Variants in PDE10A observed in about 807,000 individuals in gnomAD.
PDE10A encodes cAMP and cAMP-inhibited cGMP 3',5'-cyclic phosphodiesterase 10A.
PDE10A carries 39 observed loss-of-function variants against 97.7 expected under a neutral mutation model. That is an observed-to-expected ratio of 0.40 (90% CI 0.31 to 0.52). The LOEUF is 0.52. PDE10A is among the 20% of genes least tolerant of loss of function. The probability of loss-of-function intolerance (pLI) is 0.56; values close to 1 mark genes in which losing one functional copy is unlikely to be tolerated. For synonymous variants in PDE10A, 371 were observed against 376.8 expected, an observed-to-expected ratio of 0.98 and a Z score of 0.18; for missense variants, 731 against 1,047.8, an observed-to-expected ratio of 0.70 and a Z score of 4.17.
At chr6:165,556,102 G>A (rs2128333889) in intron 1 of PDE10A, among the ~76,000 whole-genome samples, 1 of 152,296 alleles carries the variant, frequency 6.6e-6, no homozygotes, top group East Asian at 1.9e-4. Flanking sequence ...ATAAACTTAT[G>A]TTATTGATAA....
intron 1 of PDE10A, among the ~76,000 whole-genome samples, chr6:165,596,850 T>A (rs1203771053): frequency 6.6e-6 from 1 of 152,092 alleles, no homozygotes; most frequent in Admixed American, 6.5e-5. Flanking sequence ...AACGTTGCTC[T>A]CCTCCTCTAC....
At chr6:165,827,249 C>T (rs373116260) in intron 1 of PDE10A, among the ~76,000 whole-genome samples, 2 of 152,226 alleles carry the variant, frequency 1.3e-5, no homozygotes, top group Non-Finnish European at 2.9e-5. Context: ...TAAGCCCTGA[C>T]GTCCCTCCAG....
In PDE10A at chr6:165,348,435, C is replaced by T. The variant is rs551276904; in HGVS notation, c.2784-4933G>A. ...TGGTTCTATTTAGCCATAATGGGAC[C>T]ATGCTTGCTAATTTCAACAAAAAAC... On this transcript the variant is annotated intron_variant, in intron 18 of 21. Coordinates refer to ENST00000539869, the MANE Select transcript of PDE10A (RefSeq NM_001385079.1). Among the ~76,000 whole-genome samples the T allele has an allele frequency of 7.9e-5, 12 of 152,282 alleles. No homozygotes were observed. The South Asian group carries it at 1.9e-3, about 24-fold the overall frequency.
intron 19 of PDE10A, among the ~76,000 whole-genome samples, chr6:165,340,272 T>C (rs1478889238): frequency 1.3e-5 from 2 of 152,244 alleles, no homozygotes; most frequent in African/African-American, 4.8e-5. Context: ...TTTCCTAACT[T>C]CCCACTCTTC....
chr6:165,744,581 T>A (rs372535262), intron 1 of PDE10A, among the ~76,000 whole-genome samples: 1 of 152,146 alleles, frequency 6.6e-6, no homozygotes, highest in Admixed American at 6.5e-5. Context: ...TTTTTTTTCA[T>A]AAATTTGAAG....
intron 1 of PDE10A, among the ~76,000 whole-genome samples, chr6:165,882,342 C>T (rs143945222): frequency 1.9e-4 from 29 of 152,284 alleles, no homozygotes; most frequent in Non-Finnish European, 1.5e-4. Flanking sequence ...CAGTGTCTAG[C>T]ACATCATAGC....
upstream of PDE10A, among the ~76,000 whole-genome samples, chr6:165,663,267 C>T (rs1277520447): frequency 6.6e-6 from 1 of 151,516 alleles, no homozygotes; most frequent in Non-Finnish European, 1.5e-5. Context: ...CCCCACGCCG[C>T]CGCCGCCGCC....
chr6:165,815,601 G>A (rs141296998), intron 1 of PDE10A, among the ~76,000 whole-genome samples: 19 of 152,200 alleles, frequency 1.2e-4, no homozygotes, highest in South Asian at 6.2e-4. Flanking sequence ...GAAGGTGGAC[G>A]GCCAATGAAG....
At chr6:165,640,372 TAAAC>T (rs907287568) in intron 1 of PDE10A, among the ~76,000 whole-genome samples, 2 of 152,204 alleles carry the variant, frequency 1.3e-5, no homozygotes, top group Non-Finnish European at 2.9e-5. Flanking sequence ...ACAGGTATAT[TAAAC>T]AAGTATATTC....
chr6:165,850,229 C>T (rs1011583604), intron 1 of PDE10A, among the ~76,000 whole-genome samples: 4 of 152,226 alleles, frequency 2.6e-5, no homozygotes, highest in Admixed American at 6.5e-5. Flanking sequence ...CTCCGGGAGG[C>T]GCCAAGGCTT....
intron 1 of PDE10A, among the ~76,000 whole-genome samples, chr6:165,892,611 A>C (rs1229108506): frequency 1.3e-5 from 2 of 152,124 alleles, no homozygotes; most frequent in Non-Finnish European, 2.9e-5. Flanking sequence ...TGCAGGGCTT[A>C]GAGCTCCATG....
intron 1 of PDE10A, among the ~76,000 whole-genome samples, chr6:165,978,522 C>G (rs926185768): frequency 1.3e-5 from 2 of 152,168 alleles, no homozygotes; most frequent in Non-Finnish European, 2.9e-5. Context: ...CACAGTGCCA[C>G]CTATGTGGTA....
At position 165,444,594 on chromosome 6, in the gene PDE10A, T is replaced by C. The variant is rs1040362970; in HGVS notation, c.1194+4334A>G. Among the ~76,000 whole-genome samples, 66 of 152,248 alleles carry C rather than the reference T, an allele frequency of 4.3e-4. 1 individual carries two copies. The highest frequency in any genetic ancestry group is 1.6e-3 in the African/African-American group (66 of 41,574). ...TTTTTTTTCTTTTAACAGTTGGATCTTCTTTACAAGTAATTTTGTTATAAT... is the reference window on the plus strand; with the variant it reads ...TTTTTTTTCTTTTAACAGTTGGATCCTCTTTACAAGTAATTTTGTTATAAT... On this transcript the variant is annotated intron_variant, in intron 5 of 21. Transcript: ENST00000539869.
chr6:165,449,055 G>A lies in PDE10A; in HGVS notation c.1145-78C>T, dbSNP rs1394715130. ...ATGTATGCATCCTCCAGGGTGAGAGGCAGATGTGAGTCTTTCAAATTGATT... is the reference window on the plus strand; with the variant it reads ...ATGTATGCATCCTCCAGGGTGAGAGACAGATGTGAGTCTTTCAAATTGATT... On this transcript the variant is annotated intron_variant, in intron 4 of 21. Coordinates refer to ENST00000539869, the MANE Select transcript of PDE10A (RefSeq NM_001385079.1). 4 of 944,470 alleles carry A rather than the reference G, an allele frequency of 4.2e-6. No homozygotes were observed. In the African/African-American group the frequency reaches 4.9e-5, roughly 11 times the overall value. The allele number at this position is 944,470 out of a possible 1,614,324, so 58.5% of individuals were successfully genotyped here. A position where few individuals can be genotyped will look rare whatever the true frequency, so the allele number is the denominator to read the frequency against.
chr6:165,756,475 A>C (rs1029192818), intron 1 of PDE10A, among the ~76,000 whole-genome samples: 1 of 152,186 alleles, frequency 6.6e-6, no homozygotes, highest in Admixed American at 6.5e-5. Flanking sequence ...TGAATGTACA[A>C]ACACATATGA....
At chr6:165,882,152 C>G (rs1781497999) in intron 1 of PDE10A, among the ~76,000 whole-genome samples, 1 of 152,208 alleles carries the variant, frequency 6.6e-6, no homozygotes, top group South Asian at 2.1e-4. Flanking sequence ...TTGATTTCCA[C>G]TCCATGGCCA....
At chr6:165,846,650 G>T (rs923991900) in intron 1 of PDE10A, among the ~76,000 whole-genome samples, 1 of 152,176 alleles carries the variant, frequency 6.6e-6, no homozygotes, top group African/African-American at 2.4e-5. Flanking sequence ...TGAGGAATCC[G>T]AAAAAGGAGA....
chr6:165,350,298 T>C (rs907877024), intron 18 of PDE10A, among the ~76,000 whole-genome samples: 1 of 152,196 alleles, frequency 6.6e-6, no homozygotes, highest in African/African-American at 2.4e-5. Context: ...TTGAAGTATA[T>C]CATTTTGGAA....
intron 3 of PDE10A, among the ~76,000 whole-genome samples, chr6:165,461,035 G>GA (rs1778296484): frequency 1.3e-5 from 2 of 152,096 alleles, no homozygotes; most frequent in African/African-American, 4.8e-5. Context: ...AAGTAAAGAG[G>GA]AACTGGAGGC....
Sources: allele counts gnomAD v4.1 joint callset (sites outside exome capture counted in the v4.1 genomes callset), GRCh38; gene constraint gnomAD v4.1.1; transcripts MANE v1.5; gene names NCBI Gene and HGNC (gene_info 2026-07-23, HGNC 2026-07-21).